BACH2: variants seen among roughly 807,000 people sequenced by gnomAD.
BACH2 encodes the protein transcription regulator protein BACH2.
BACH2 carries 5 observed loss-of-function variants against 61.8 expected under a neutral mutation model. That is an observed-to-expected ratio of 0.08 (90% CI 0.04 to 0.17). The LOEUF (loss-of-function observed/expected upper bound fraction) is 0.17. Among genes scored for constraint, BACH2 ranks in the 10% least tolerant of loss-of-function variants. The pLI is 1.00. For synonymous variants in BACH2, 446 were observed against 440.1 expected (o/e 1.01, Z -0.17); for missense variants, 824 against 1,091.1 (o/e 0.76, Z 3.45).
At chr6:90,028,275 T>C (rs992192137) in intron 5 of BACH2, among the ~76,000 whole-genome samples, 1 of 152,252 alleles carries the variant, frequency 6.6e-6, no homozygotes, top group Non-Finnish European at 1.5e-5. Context: ...TTATGGGCAC[T>C]TAGCCCTGAT....
intron 3 of BACH2, among the ~76,000 whole-genome samples, chr6:90,247,774 T>C (rs1770684591): frequency 5.9e-5 from 9 of 152,120 alleles, no homozygotes; most frequent in Admixed American, 5.9e-4. Context: ...ACCCAAGTGG[T>C]TCCCATGCCT....
chr6:89,951,310 G>A lies in BACH2; in HGVS notation c.796C>T (p.Leu266Phe), dbSNP rs371194776. The change falls in exon 7 of 9, where the codon CTC (leucine) becomes TTC (phenylalanine). Residue 266 changes from leucine to phenylalanine, a missense_variant. Physicochemically the swap from Leu to Phe is conservative, Grantham distance 22 (BLOSUM62 0). Coordinates refer to ENST00000257749, the MANE Select transcript of BACH2 (RefSeq NM_021813.4). This position sits in a 1 kb window ranked among gnomAD's most constrained non-coding sequence, Gnocchi z 6.4. ...TGCCCCCTGGCAAGCCCCGGCTTGA[G>A]GCTGTTGCTAGAGTTATCTTCCCGG... ...TFREDNSSNS[L>F]KPGLARGQIK... 15 of 1,614,110 alleles carry A rather than the reference G, an allele frequency of 9.3e-6. No homozygotes were observed. The African/African-American group carries it at 1.5e-4, about 16-fold the overall frequency.
intron 4 of BACH2, among the ~76,000 whole-genome samples, chr6:90,122,143 C>A (rs1783654460): frequency 6.6e-6 from 1 of 152,218 alleles, no homozygotes; most frequent in African/African-American, 2.4e-5. Flanking sequence ...CACGTCCAGG[C>A]AAAGCACACC....
chr6:90,185,596 CAT>C (rs1411594363), intron 4 of BACH2, among the ~76,000 whole-genome samples: 1 of 151,938 alleles, frequency 6.6e-6, no homozygotes, highest in Non-Finnish European at 1.5e-5. Flanking sequence ...CTAAAATTAA[CAT>C]ATATTATTTT....
At chr6:90,248,781 C>T (rs570724429) in intron 3 of BACH2, among the ~76,000 whole-genome samples, 8 of 152,090 alleles carry the variant, frequency 5.3e-5, no homozygotes, top group Non-Finnish European at 1.0e-4. Context: ...CCACCAACTC[C>T]GGGGAGGAGG....
intron 5 of BACH2, among the ~76,000 whole-genome samples, chr6:90,029,898 C>T (rs146019224): frequency 1.3e-5 from 2 of 152,292 alleles, no homozygotes; most frequent in East Asian, 3.9e-4. Flanking sequence ...CCAAGACACA[C>T]AGCCAAGATA....
At chr6:90,203,559 T>C (rs1162803973) in intron 4 of BACH2, among the ~76,000 whole-genome samples, 1 of 151,894 alleles carries the variant, frequency 6.6e-6, no homozygotes, top group Admixed American at 6.6e-5. Flanking sequence ...CCTGGGAAAA[T>C]ATGTGCCCCA....
intron 5 of BACH2, among the ~76,000 whole-genome samples, chr6:90,030,207 A>G (rs1313998027): frequency 6.6e-6 from 1 of 152,114 alleles, no homozygotes; most frequent in Non-Finnish European, 1.5e-5. Flanking sequence ...ACAGAGGACC[A>G]ATTATGCCCT....
At chr6:90,244,713 A>G (rs1045734232) in intron 3 of BACH2, among the ~76,000 whole-genome samples, 5 of 152,182 alleles carry the variant, frequency 3.3e-5, no homozygotes, top group Admixed American at 2.0e-4. Flanking sequence ...GGCTGGTATC[A>G]TATCTGACAC....
chr6:90,042,354 A>T (rs777868295), intron 5 of BACH2, among the ~76,000 whole-genome samples: 3 of 145,098 alleles, frequency 2.1e-5, no homozygotes, highest in Non-Finnish European at 4.5e-5. Flanking sequence ...CACTGCACTC[A>T]GCTAGTTTTT....
chr6:90,267,274 C>A (rs1002590779), intron 2 of BACH2, among the ~76,000 whole-genome samples: 9 of 152,082 alleles, frequency 5.9e-5, no homozygotes, highest in Admixed American at 4.6e-4. Flanking sequence ...GTTTTGTTGC[C>A]CCCAAATTGA....
intron 4 of BACH2, among the ~76,000 whole-genome samples, chr6:90,117,363 C>T (rs1783444485): frequency 6.6e-6 from 1 of 152,130 alleles, no homozygotes; most frequent in Non-Finnish European, 1.5e-5. Flanking sequence ...TCTTCCCTCT[C>T]TCTGGCTAAC....
At chr6:90,074,983 T>C (rs1408283838) in intron 5 of BACH2, among the ~76,000 whole-genome samples, 1 of 152,174 alleles carries the variant, frequency 6.6e-6, no homozygotes, top group Non-Finnish European at 1.5e-5. Context: ...AGTTCCGTTT[T>C]AGATGTTGTT....
At chr6:90,162,963 T>C (rs1288535149) in intron 4 of BACH2, among the ~76,000 whole-genome samples, 1 of 152,200 alleles carries the variant, frequency 6.6e-6, no homozygotes, top group Non-Finnish European at 1.5e-5. Context: ...AAGAGAACTT[T>C]GCTACTCAAA....
At chr6:90,092,315 T>TATATATATATAA in intron 4 of BACH2, among the ~76,000 whole-genome samples, 1 of 112,478 alleles carries the variant, frequency 8.9e-6, no homozygotes, top group East Asian at 6.8e-4. Flanking sequence ...TATATATATA[T>TATATATATATAA]ACACACACAC....
intron 5 of BACH2, among the ~76,000 whole-genome samples, chr6:90,029,232 CAA>C (rs1778813399): frequency 6.6e-6 from 1 of 152,164 alleles, no homozygotes; most frequent in Admixed American, 6.5e-5. Context: ...TGATTTCAAA[CAA>C]CCCTACAAAC....
chr6:90,197,681 T>C (rs900593476), intron 4 of BACH2, among the ~76,000 whole-genome samples: 9 of 152,188 alleles, frequency 5.9e-5, no homozygotes, highest in African/African-American at 2.2e-4. Context: ...ATGGCTGTTG[T>C]GGGCTTAGTC....
intron 2 of BACH2, among the ~76,000 whole-genome samples, chr6:90,252,980 C>T (rs1770858877): frequency 6.6e-6 from 1 of 152,220 alleles, no homozygotes; most frequent in Non-Finnish European, 1.5e-5. Context: ...TGCAGTGGCT[C>T]ACGCCTATAA....
At chr6:90,011,913 C>T (rs1183470057) in intron 5 of BACH2, among the ~76,000 whole-genome samples, 1 of 143,724 alleles carries the variant, frequency 7.0e-6, no homozygotes, top group Non-Finnish European at 1.5e-5. Flanking sequence ...CAGCAAGACT[C>T]TGTCTCAAAA....
Sources: gnomAD v4.1 joint callset for allele counts (sites outside exome capture counted in the v4.1 genomes callset) on GRCh38, gnomAD v4.1.1 for gene constraint, Gnocchi (gnomAD v3.1) non-coding constraint, MANE v1.5 for transcripts, NCBI Gene and HGNC (gene_info 2026-07-23, HGNC 2026-07-21) for gene names.